Variants in ZNF423 observed in about 807,000 individuals in gnomAD.
The protein encoded by ZNF423 is zinc finger protein 423.
ZNF423 carries 12 observed loss-of-function variants against 95.8 expected under a neutral mutation model. The observed-to-expected ratio is 0.13, with a 90% CI of 0.08 to 0.20. The LOEUF is 0.20. ZNF423 is among the 10% of genes least tolerant of loss of function. ZNF423 has a pLI of 1.00. For synonymous variants in ZNF423, 749 were observed against 711.9 expected, an observed-to-expected ratio of 1.05 and a Z score of -0.83; for missense variants, 1,316 against 1,737.1, an observed-to-expected ratio of 0.76 and a Z score of 4.31.
intron 5 of ZNF423, among the ~76,000 whole-genome samples, chr16:49,597,836 C>T (rs547253940): frequency 6.6e-6 from 1 of 152,280 alleles, no homozygotes; most frequent in South Asian, 2.1e-4. Context: ...TTAACACAGA[C>T]TTTACAAATA....
chr16:49,705,935 A>C (rs35065910), intron 3 of ZNF423, among the ~76,000 whole-genome samples: 2,854 of 152,298 alleles, frequency 0.019, 39 homozygotes, highest in Non-Finnish European at 0.027. Context: ...TGCTTCTGGG[A>C]ACCCCAGAGA....
intron 5 of ZNF423, among the ~76,000 whole-genome samples, chr16:49,548,905 C>T (rs1874248913): frequency 1.3e-5 from 2 of 152,240 alleles, no homozygotes; most frequent in African/African-American, 2.4e-5. Flanking sequence ...TTGAACCTTC[C>T]AGTTCCTAGT....
At chr16:49,760,100 G>A (rs902476513) in intron 2 of ZNF423, among the ~76,000 whole-genome samples, 1 of 119,290 alleles carries the variant, frequency 8.4e-6, no homozygotes, top group African/African-American at 3.2e-5. Flanking sequence ...TGGATGGATT[G>A]ATGAATGGAT....
At chr16:49,588,305 A>G (rs1411186820) in intron 5 of ZNF423, among the ~76,000 whole-genome samples, 2 of 152,180 alleles carry the variant, frequency 1.3e-5, no homozygotes, top group East Asian at 3.9e-4. Flanking sequence ...TGAGATGAAC[A>G]TCTTCCTCCC....
rs572934105 is a variant in ZNF423 at position 49,761,050 on chromosome 16, A to C, written c.100+28437T>G. On this transcript the variant is annotated intron_variant, in intron 2 of 7. Transcript: ENST00000563137. ...CGTACACACACATGCACACACATAC[A>C]TGCACACACACACACATGCACACAC... Among the ~76,000 whole-genome samples the C allele has an allele frequency of 8.3e-5, 9 of 107,898 alleles. No individual in the cohort carries two copies. The South Asian group carries it at 2.5e-3, about 30-fold the overall frequency. The allele number at this position is 107,898 out of a possible 152,430, so 70.8% of individuals were successfully genotyped here.
At chr16:49,546,988 T>A (rs1294459462) in intron 5 of ZNF423, among the ~76,000 whole-genome samples, 1 of 151,552 alleles carries the variant, frequency 6.6e-6, no homozygotes, top group Admixed American at 6.6e-5. Flanking sequence ...GACAAAAGTT[T>A]TATCTACTTG....
intron 7 of ZNF423, among the ~76,000 whole-genome samples, chr16:49,521,672 T>C (rs1363864421): frequency 6.6e-6 from 1 of 152,164 alleles, no homozygotes; most frequent in Non-Finnish European, 1.5e-5. Flanking sequence ...CTGTCCCACG[T>C]TGTGACAATG....
intron 2 of ZNF423, among the ~76,000 whole-genome samples, chr16:49,767,464 C>T (rs1177926602): frequency 6.6e-6 from 1 of 152,172 alleles, no homozygotes; most frequent in African/African-American, 2.4e-5. Flanking sequence ...TCATATGAAC[C>T]ATTCTGAGAT....
At chr16:49,851,737 C>G (rs1429084650) in intron 1 of ZNF423, among the ~76,000 whole-genome samples, 1 of 152,196 alleles carries the variant, frequency 6.6e-6, no homozygotes, top group Non-Finnish European at 1.5e-5. Flanking sequence ...CAGGATTCCC[C>G]TGCCAGAGGC....
At chr16:49,672,899 G>T (rs539262991) in intron 3 of ZNF423, among the ~76,000 whole-genome samples, 8 of 152,182 alleles carry the variant, frequency 5.3e-5, no homozygotes, top group African/African-American at 1.9e-4. Flanking sequence ...TAAATGTACC[G>T]AGTGTCCACA....
At chr16:49,645,351 CA>C (rs1303100385) in intron 3 of ZNF423, among the ~76,000 whole-genome samples, 7 of 152,338 alleles carry the variant, frequency 4.6e-5, no homozygotes, top group African/African-American at 1.4e-4. Context: ...AGAAAACTTA[CA>C]AGCCCAGCTA....
At chr16:49,659,355 G>T (rs1404250729) in intron 3 of ZNF423, among the ~76,000 whole-genome samples, 1 of 152,242 alleles carries the variant, frequency 6.6e-6, no homozygotes, top group Non-Finnish European at 1.5e-5. Context: ...GCCTGCCAAA[G>T]TGTCAGAATT....
intron 5 of ZNF423, among the ~76,000 whole-genome samples, chr16:49,554,846 G>C (rs540787511): frequency 6.1e-4 from 93 of 151,980 alleles, no homozygotes; most frequent in Middle Eastern, 3.4e-3. Context: ...AATCTTACAC[G>C]AGACCTTCAG....
chr16:49,696,909 G>A (rs2031996461), intron 3 of ZNF423, among the ~76,000 whole-genome samples: 1 of 152,212 alleles, frequency 6.6e-6, no homozygotes, highest in Non-Finnish European at 1.5e-5. Flanking sequence ...GCTTTCAGGA[G>A]GGGGGCTGGC....
intron 3 of ZNF423, among the ~76,000 whole-genome samples, chr16:49,715,892 G>T (rs530627051): frequency 7.3e-5 from 11 of 151,534 alleles, no homozygotes; most frequent in African/African-American, 2.4e-4. Context: ...CAAAAAAGTA[G>T]CTGGGCACAG....
intron 7 of ZNF423, among the ~76,000 whole-genome samples, chr16:49,523,249 C>T (rs571064744): frequency 2.0e-5 from 3 of 152,346 alleles, no homozygotes; most frequent in East Asian, 1.9e-4. Context: ...TGTTCCCACA[C>T]AGCCCCAGGA....
At chr16:49,556,758 C>T (rs1969841359) in intron 5 of ZNF423, among the ~76,000 whole-genome samples, 3 of 152,206 alleles carry the variant, frequency 2.0e-5, no homozygotes, top group African/African-American at 7.2e-5. Flanking sequence ...CACTGTATAA[C>T]TCAAAAATTA....
At position 49,803,933 on chromosome 16, in the gene ZNF423, CTTTTT is replaced by C. The variant is rs535349308; in HGVS notation, c.41-14392_41-14388del. Reference sequence around the variant, plus strand: ...ACCGGCCCAGGGCTAGGATGAGTTTCTTTTTTTTTTTTTTTTTTTTTTGACAGAGT... The same window carrying C: ...ACCGGCCCAGGGCTAGGATGAGTTTCTTTTTTTTTTTTTTTTTGACAGAGT... On this transcript the variant is annotated intron_variant, in intron 1 of 7. Transcript: ENST00000563137. Among the ~76,000 whole-genome samples the C allele has an allele frequency of 2.2e-3, 246 of 109,488 alleles. 1 individual carries two copies. Among genetic ancestry groups the C allele is most frequent in the Middle Eastern group, 9.5e-3 (2 of 210 alleles). 71.8% of individuals were successfully genotyped at this position (109,488 alleles called of 152,430 possible). A position where few individuals can be genotyped will look rare whatever the true frequency, so the allele number is the denominator to read the frequency against.
In ZNF423 at chr16:49,855,538, T is replaced by G. The variant is rs1411159077; in HGVS notation, c.40+197A>C. Among the ~76,000 whole-genome samples, 46 of 107,638 alleles carry G rather than the reference T, an allele frequency of 4.3e-4. No homozygotes were observed. The highest frequency in any genetic ancestry group is 1.9e-3 in the South Asian group (6 of 3,162). The allele number at this position is 107,638 out of a possible 152,430, so 70.6% of individuals were successfully genotyped here. On this transcript the variant is annotated intron_variant, in intron 1 of 7. Coordinates refer to ENST00000563137, the MANE Select transcript of ZNF423 (RefSeq NM_001379286.1). The surrounding 1 kb of genome is among the most constrained non-coding windows in gnomAD (Gnocchi z 4.7). ...CGCCGCCGCCGCCGCCGCCGCCGCC[T>G]CCGCCTCCTGCTCCCGGCTTCCTCC...
Sources: gnomAD v4.1 joint callset for allele counts (sites outside exome capture counted in the v4.1 genomes callset) on GRCh38, gnomAD v4.1.1 for gene constraint, Gnocchi (gnomAD v3.1) non-coding constraint, MANE v1.5 for transcripts, NCBI Gene and HGNC (gene_info 2026-07-23, HGNC 2026-07-21) for gene names.